The following ARB2A variants were observed in gnomAD, a reference collection of about 807,000 sequenced individuals.
The protein encoded by ARB2A is ARB2 cotranscriptional regulator A, also known as cotranscriptional regulator ARB2A.
the ARB2A span, among the ~76,000 whole-genome samples, chr5:93,820,068 A>G: frequency 6.6e-6 from 1 of 152,242 alleles, no homozygotes; most frequent in African/African-American, 2.4e-5. Flanking sequence ...AACATGGAAA[A>G]GGAAATAAAA....
the ARB2A span, chr5:93,733,581 T>C: frequency 1.3e-5 from 2 of 152,240 alleles, no homozygotes; most frequent in African/African-American, 4.8e-5. Context: ...GATTTCCATA[T>C]GAATTACCTA....
chr5:93,732,915 T>A, the ARB2A span, among the ~76,000 whole-genome samples: 1 of 151,738 alleles, frequency 6.6e-6, no homozygotes, highest in Non-Finnish European at 1.5e-5. Flanking sequence ...CCAATACCTG[T>A]ACATACATTT....
At chr5:93,939,175 T>A in the ARB2A span, among the ~76,000 whole-genome samples, 2 of 152,312 alleles carry the variant, frequency 1.3e-5, no homozygotes, top group South Asian at 2.1e-4. Flanking sequence ...AATTTTTTTT[T>A]AAATCAAACC....
At chr5:93,881,385 C>G in the ARB2A span, 1 of 1,005,576 alleles carries the variant, frequency 9.9e-7, no homozygotes, top group Non-Finnish European at 1.4e-6. Flanking sequence ...AATTAATATT[C>G]TTGAAGAAAA....
At chr5:93,655,930 T>A in the ARB2A span, among the ~76,000 whole-genome samples, 1 of 152,214 alleles carries the variant, frequency 6.6e-6, no homozygotes, top group Non-Finnish European at 1.5e-5. Flanking sequence ...AAATCATTTA[T>A]TTGTTTGGGT....
At chr5:93,886,142 T>C in the ARB2A span, among the ~76,000 whole-genome samples, 5 of 151,744 alleles carry the variant, frequency 3.3e-5, no homozygotes, top group Admixed American at 6.6e-5. Context: ...TCCACGTTAA[T>C]TTACCTACTC....
the ARB2A span, among the ~76,000 whole-genome samples, chr5:93,853,028 A>G: frequency 6.6e-6 from 1 of 152,126 alleles, no homozygotes; most frequent in East Asian, 1.9e-4. Flanking sequence ...ATGGCATTGG[A>G]TCTATAAATT....
At chr5:94,021,282 C>T in the ARB2A span, among the ~76,000 whole-genome samples, 1 of 152,102 alleles carries the variant, frequency 6.6e-6, no homozygotes, top group Admixed American at 6.5e-5. Context: ...GATAGCCTCC[C>T]TTAACTTATG....
the ARB2A span, among the ~76,000 whole-genome samples, chr5:94,084,573 C>T: frequency 3.3e-5 from 5 of 152,096 alleles, no homozygotes; most frequent in Admixed American, 2.0e-4. Flanking sequence ...GAAAGAGAAT[C>T]GCCAAGAACT....
At chr5:93,968,012 C>A in the ARB2A span, among the ~76,000 whole-genome samples, 4 of 152,032 alleles carry the variant, frequency 2.6e-5, no homozygotes, top group Non-Finnish European at 4.4e-5. Flanking sequence ...AAACAAAGAA[C>A]CTAGAGGAAA....
At chr5:93,819,544 C>T in the ARB2A span, among the ~76,000 whole-genome samples, 3 of 152,122 alleles carry the variant, frequency 2.0e-5, no homozygotes, top group Non-Finnish European at 4.4e-5. Context: ...TTTAACTTCC[C>T]TCAATTTTTG....
the ARB2A span, among the ~76,000 whole-genome samples, chr5:93,977,358 T>C: frequency 1.3e-4 from 20 of 151,952 alleles, no homozygotes; most frequent in African/African-American, 4.3e-4. Context: ...ATTACCTGAA[T>C]TGAAACTATG....
chr5:94,055,983 A>G, the ARB2A span: 1 of 822,418 alleles, frequency 1.2e-6, no homozygotes, highest in African/African-American at 1.9e-5. Flanking sequence ...TTTGATCATC[A>G]CAATCCTATG....
the ARB2A span, among the ~76,000 whole-genome samples, chr5:94,046,903 G>A: frequency 6.6e-6 from 1 of 152,054 alleles, no homozygotes. Context: ...TATATAACCA[G>A]AACTCATACA....
chr5:94,069,262 C>T, the ARB2A span, among the ~76,000 whole-genome samples: 1 of 152,126 alleles, frequency 6.6e-6, no homozygotes, highest in African/African-American at 2.4e-5. Flanking sequence ...ACTGGAGCCC[C>T]ATCATTCATC....
the ARB2A span, among the ~76,000 whole-genome samples, chr5:93,852,024 G>A: frequency 1.1e-4 from 17 of 152,146 alleles, no homozygotes; most frequent in Admixed American, 8.5e-4. Flanking sequence ...CTGAGGAATC[G>A]CCACACTGAC....
At chr5:93,860,044 C>T in the ARB2A span, among the ~76,000 whole-genome samples, 2 of 152,280 alleles carry the variant, frequency 1.3e-5, no homozygotes, top group Middle Eastern at 3.4e-3. Context: ...CCTATAATCC[C>T]AGCACTTGGG....
At chr5:93,857,817 T>G in the ARB2A span, among the ~76,000 whole-genome samples, 1 of 152,166 alleles carries the variant, frequency 6.6e-6, no homozygotes, top group Non-Finnish European at 1.5e-5. Flanking sequence ...GGTCTGGCAC[T>G]CCCTAGTGAG....
the ARB2A span, among the ~76,000 whole-genome samples, chr5:93,622,541 T>C: frequency 6.6e-6 from 1 of 152,170 alleles, no homozygotes; most frequent in Non-Finnish European, 1.5e-5. Flanking sequence ...AAAGCTACAG[T>C]CTGTGCCTGA....
Sources: allele counts gnomAD v4.1 joint callset (sites outside exome capture counted in the v4.1 genomes callset), GRCh38; gene constraint gnomAD v4.1.1; transcripts MANE v1.5; gene names NCBI Gene and HGNC (gene_info 2026-07-23, HGNC 2026-07-21).